The following TMEM170A variants were observed in gnomAD, a reference collection of about 807,000 sequenced individuals.
The protein encoded by TMEM170A is transmembrane protein 170.
TMEM170A carries 18 observed loss-of-function variants against 12.8 expected under a neutral mutation model. That is an observed-to-expected ratio of 1.41 (90% CI 0.97 to 2.09). The LOEUF (loss-of-function observed/expected upper bound fraction) is 2.09. TMEM170A is among the 30% of genes most tolerant of loss of function. The probability of loss-of-function intolerance (pLI) is 0.00; values close to 1 mark genes in which losing one functional copy is unlikely to be tolerated. For missense variants in TMEM170A, 220 were observed against 179.9 expected (o/e 1.22, Z -1.28); for synonymous variants, 107 against 76.2 (o/e 1.40, Z -2.11).
chr16:75,454,050 G>T (rs761285696), intron 1 of TMEM170A, among the ~76,000 whole-genome samples: 1 of 152,208 alleles, frequency 6.6e-6, no homozygotes, highest in Non-Finnish European at 1.5e-5. Flanking sequence ...CTAGAGGCAG[G>T]TAAGTAGCAA....
chr16:75,449,319 A>G (rs2079639466), intron 2 of TMEM170A, among the ~76,000 whole-genome samples: 3 of 143,598 alleles, frequency 2.1e-5, no homozygotes. Context: ...CAGTGTCTCA[A>G]TCACGTTTAC....
rs1347224931 is a variant in TMEM170A at position 75,444,229 on chromosome 16, G to A, written c.*3329C>T. The A allele has an allele frequency of 6.6e-6, 1 of 152,180 alleles. No individual in the cohort carries two copies. Among genetic ancestry groups the A allele is most frequent in the Non-Finnish European group, 1.5e-5 (1 of 68,114 alleles). The allele number at this position is 152,180 out of a possible 1,614,324, so 9.4% of individuals were successfully genotyped here. ...CATGCCTGTAATCCCAGCACTTTGG[G>A]AGGTGGAGGCGGGTCAGGAGATTGA... On this transcript the variant is annotated 3_prime_UTR_variant, in exon 3 of 3. Coordinates refer to ENST00000561878, the MANE Select transcript of TMEM170A (RefSeq NM_145254.3).
chr16:75,460,414 C>A (rs929237871), intron 1 of TMEM170A, among the ~76,000 whole-genome samples: 1 of 152,122 alleles, frequency 6.6e-6, no homozygotes, highest in Non-Finnish European at 1.5e-5. Flanking sequence ...TGTGCGTTGC[C>A]GACACAGTCC....
At position 75,464,584 on chromosome 16, in the gene TMEM170A, C is replaced by A. The variant is rs749537258; in HGVS notation, c.17G>T (p.Ser6Ile). ...CCCGGCCGACCCGCCGCTGCCGCCG[C>A]TCCCCTCGCGCTCCATCCCGTCGCC... Reference protein sequence around the residue: MEREGSGGSGGSAGLL... With the variant: MEREGIGGSGGSAGLL... The change falls in exon 1 of 3, where the codon AGC (serine) becomes ATC (isoleucine). Residue 6 changes from serine (S) to isoleucine (I), a missense_variant. Transcript: ENST00000561878. 6.3e-7 allele frequency: 1 copy of A among 1,586,766 alleles called. No homozygotes were observed. Among genetic ancestry groups the A allele is most frequent in the Admixed American group, 1.8e-5 (1 of 56,592 alleles).
At chr16:75,452,153 A>T (rs531851214) in intron 1 of TMEM170A, among the ~76,000 whole-genome samples, 4 of 151,882 alleles carry the variant, frequency 2.6e-5, no homozygotes, top group Non-Finnish European at 4.4e-5. Context: ...TTGTATTTTT[A>T]GTAGAGACGG....
rs941318045 is a variant in TMEM170A, at chr16:75,464,629, G to A, written c.-29C>T. ...GTCGCCATTCACCACAGAGAAATGA[G>A]GGACGAGCGCCCGAAGTGCGGTAGC... On this transcript the variant is annotated 5_prime_UTR_variant, in exon 1 of 3. Transcript: ENST00000561878. The A allele has an allele frequency of 2.3e-5, 36 of 1,561,070 alleles. No homozygotes were observed. Among genetic ancestry groups the A allele is most frequent in the African/African-American group, 8.5e-5 (6 of 70,546 alleles).
chr16:75,454,813 T>C (rs1294201155), intron 1 of TMEM170A, among the ~76,000 whole-genome samples: 1 of 152,168 alleles, frequency 6.6e-6, no homozygotes, highest in African/African-American at 2.4e-5. Context: ...CTAGTTGGAA[T>C]ACAAACTGGA....
rs577299366 is a variant in TMEM170A at position 75,445,483 on chromosome 16, G to C, written c.*2075C>G. 1 of 152,202 alleles carries C rather than the reference G, an allele frequency of 6.6e-6. No individual in the cohort carries two copies. The highest frequency in any genetic ancestry group is 2.1e-4 in the South Asian group (1 of 4,826). 9.4% of individuals were successfully genotyped at this position (152,202 alleles called of 1,614,324 possible). ...TAATTTTTTTTTATTTTGTAGTAGA[G>C]ACAAGGTCTCACTATGTTGCCCAGG... is the stretch of plus-strand genomic sequence containing the variant. On this transcript the variant is annotated 3_prime_UTR_variant, in exon 3 of 3. Coordinates refer to ENST00000561878, the MANE Select transcript of TMEM170A (RefSeq NM_145254.3).
intron 1 of TMEM170A, among the ~76,000 whole-genome samples, chr16:75,457,716 C>G (rs1317969641): frequency 6.6e-6 from 1 of 152,134 alleles, no homozygotes; most frequent in Non-Finnish European, 1.5e-5. Flanking sequence ...CTCAATTTTC[C>G]AAAAAGCTTA....
At chr16:75,462,754 G>A (rs2079929492) in intron 1 of TMEM170A, among the ~76,000 whole-genome samples, 1 of 152,124 alleles carries the variant, frequency 6.6e-6, no homozygotes, top group South Asian at 2.1e-4. Context: ...TGCAATGTGT[G>A]AACCTTAGAT....
chr16:75,454,654 G>A (rs965075316), intron 1 of TMEM170A, among the ~76,000 whole-genome samples: 2 of 152,006 alleles, frequency 1.3e-5, no homozygotes, highest in African/African-American at 4.8e-5. Context: ...AAAGAGCAAT[G>A]ACAGTTAAAG....
intron 1 of TMEM170A, among the ~76,000 whole-genome samples, chr16:75,463,308 G>A (rs1299467853): frequency 6.6e-6 from 1 of 151,960 alleles, no homozygotes; most frequent in African/African-American, 2.4e-5. Flanking sequence ...TGATATCACT[G>A]TCAAAAGTGA....
chr16:75,446,563 G>C lies in TMEM170A; in HGVS notation c.*995C>G, dbSNP rs1379896936. 1 of 152,166 alleles carries C rather than the reference G, an allele frequency of 6.6e-6. No individual in the cohort carries two copies. Among genetic ancestry groups the C allele is most frequent in the Non-Finnish European group, 1.5e-5 (1 of 68,016 alleles). The allele number at this position is 152,166 out of a possible 1,614,324, so 9.4% of individuals were successfully genotyped here. ...CAATACTGTAAAAGTGGGCTGAAGA[G>C]TTACCACTAGGTAAACACATTAAGC... On this transcript the variant is annotated 3_prime_UTR_variant, in exon 3 of 3. Coordinates refer to ENST00000561878, the MANE Select transcript of TMEM170A (RefSeq NM_145254.3).
intron 2 of TMEM170A, 84 bp from the exon 3 acceptor site, chr16:75,447,772 T>C: frequency 3.5e-6 from 5 of 1,409,222 alleles, no homozygotes; most frequent in Non-Finnish European, 4.8e-6. Flanking sequence ...AAAATACTAC[T>C]GCGAGTAGAA....
chr16:75,453,934 C>A (rs992425590), intron 1 of TMEM170A, among the ~76,000 whole-genome samples: 1 of 152,240 alleles, frequency 6.6e-6, no homozygotes, highest in Non-Finnish European at 1.5e-5. Flanking sequence ...CATTTCCCCC[C>A]AGTGAACCCA....
chr16:75,445,631 G>T lies in TMEM170A; in HGVS notation c.*1927C>A, dbSNP rs1042597332. ...CTAATTAGTCAAAAGAATATGTCCA[G>T]TTTTTGTGATCTCTTTGTAATTCTT... On this transcript the variant is annotated 3_prime_UTR_variant, in exon 3 of 3. Transcript: ENST00000561878. 2 of 151,892 alleles carry T rather than the reference G, an allele frequency of 1.3e-5. No individual in the cohort carries two copies. Among genetic ancestry groups the T allele is most frequent in the Middle Eastern group, 3.4e-3 (1 of 292 alleles). The allele number at this position is 151,892 out of a possible 1,614,324, so 9.4% of individuals were successfully genotyped here. A position where few individuals can be genotyped will look rare whatever the true frequency, so the allele number is the denominator to read the frequency against.
At chr16:75,464,024 CA>C (rs1269448685) in intron 1 of TMEM170A, among the ~76,000 whole-genome samples, 1 of 152,220 alleles carries the variant, frequency 6.6e-6, no homozygotes, top group African/African-American at 2.4e-5. Context: ...AGCCCCGGGG[CA>C]AGGGGAGCGC....
chr16:75,461,728 T>C (rs1037877703), intron 1 of TMEM170A, among the ~76,000 whole-genome samples: 1 of 152,234 alleles, frequency 6.6e-6, no homozygotes, highest in African/African-American at 2.4e-5. Flanking sequence ...GCCTCATACC[T>C]GCTCATAACA....
intron 1 of TMEM170A, among the ~76,000 whole-genome samples, chr16:75,453,532 C>T (rs1223052995): frequency 1.3e-5 from 2 of 152,226 alleles, no homozygotes; most frequent in Non-Finnish European, 2.9e-5. Context: ...CAATCAATGC[C>T]TGTTGATCTT....
Sources: gnomAD v4.1 joint callset for allele counts (sites outside exome capture counted in the v4.1 genomes callset) on GRCh38, gnomAD v4.1.1 for gene constraint, MANE v1.5 for transcripts, NCBI Gene and HGNC (gene_info 2026-07-23, HGNC 2026-07-21) for gene names.